The following UNC13C variants were observed in gnomAD, a reference collection of about 807,000 sequenced individuals.
The protein encoded by UNC13C is protein unc-13 homolog C.
In UNC13C, 174 loss-of-function variants were observed where a neutral mutation model predicts 245.4. The ratio of observed to expected loss-of-function variants is 0.71; its 90% confidence interval spans 0.63 to 0.80. The LOEUF is 0.80. Ranked by LOEUF, UNC13C falls within the 30% of genes least tolerant of loss-of-function variation. UNC13C has a pLI of 0.00. For synonymous variants in UNC13C, 992 were observed against 895.1 expected (o/e 1.11, Z -1.93); for missense variants, 2,829 against 2,602.9 (o/e 1.09, Z -1.89).
chr15:54,623,038 T>C (rs1390559895), intron 31 of UNC13C, among the ~76,000 whole-genome samples: 1 of 152,190 alleles, frequency 6.6e-6, no homozygotes, highest in Non-Finnish European at 1.5e-5. Flanking sequence ...GAATAGATTA[T>C]ATACAGTAGT....
intron 2 of UNC13C, among the ~76,000 whole-genome samples, chr15:54,031,635 T>A (rs1896362797): frequency 6.6e-6 from 1 of 152,184 alleles, no homozygotes; most frequent in Non-Finnish European, 1.5e-5. Flanking sequence ...ACCAAATATG[T>A]AGGAAGATGC....
intron 30 of UNC13C, among the ~76,000 whole-genome samples, chr15:54,605,620 T>G (rs1352103152): frequency 6.6e-6 from 1 of 152,124 alleles, no homozygotes; most frequent in Non-Finnish European, 1.5e-5. Flanking sequence ...TCCTCAGGTG[T>G]TTCCAGTATA....
chr15:54,163,348 C>T (rs1039207174), intron 4 of UNC13C, among the ~76,000 whole-genome samples: 4 of 152,168 alleles, frequency 2.6e-5, no homozygotes, highest in Non-Finnish European at 5.9e-5. Context: ...CCAGATGGCG[C>T]AGAGCCTTGC....
At chr15:54,287,854 C>G (rs2037188942) in intron 10 of UNC13C, among the ~76,000 whole-genome samples, 1 of 152,170 alleles carries the variant, frequency 6.6e-6, no homozygotes, top group Admixed American at 6.6e-5. Flanking sequence ...GTATATATGA[C>G]TTTTCTACAT....
intron 17 of UNC13C, among the ~76,000 whole-genome samples, chr15:54,341,561 T>A (rs1485444411): frequency 6.6e-6 from 1 of 151,926 alleles, no homozygotes; most frequent in Admixed American, 6.6e-5. Context: ...ATATACCTCA[T>A]GAATCTAAAA....
intron 28 of UNC13C, among the ~76,000 whole-genome samples, chr15:54,549,936 A>AT (rs1896662395): frequency 1.3e-5 from 2 of 152,222 alleles, no homozygotes; most frequent in Non-Finnish European, 2.9e-5. Context: ...CAAAGACAAA[A>AT]TGGAACACTG....
chr15:54,176,911 T>G lies in UNC13C; in HGVS notation c.3071+33227T>G, dbSNP rs533949768. Among the ~76,000 whole-genome samples the G allele has an allele frequency of 1.2e-4, 18 of 152,222 alleles. 1 individual carries two copies. In the South Asian group the frequency reaches 3.7e-3, roughly 32 times the overall value. ...ATGCTACTGATAAAGACTCATCACA[T>G]TAAGGTGAAAATAGATTAATATTCT... On this transcript the variant is annotated intron_variant, in intron 4 of 32. Coordinates refer to ENST00000260323, the MANE Select transcript of UNC13C (RefSeq NM_001080534.3).
chr15:53,976,477 C>CTCTTTTTTTTTTTT (rs1325952003), upstream of UNC13C, among the ~76,000 whole-genome samples: 17 of 63,020 alleles, frequency 2.7e-4, no homozygotes, highest in Non-Finnish European at 4.0e-4. Flanking sequence ...CTCTCTCTCT[C>CTCTTTTTTTTTTTT]TTTTTTTTTT....
At chr15:54,018,560 T>C (rs1387011097) in intron 2 of UNC13C, among the ~76,000 whole-genome samples, 10 of 120,444 alleles carry the variant, frequency 8.3e-5, no homozygotes. Flanking sequence ...GCCAGAAGCT[T>C]CCCCATGAGT....
At chr15:54,001,967 C>T (rs527904394) in intron 1 of UNC13C, among the ~76,000 whole-genome samples, 2 of 152,294 alleles carry the variant, frequency 1.3e-5, no homozygotes, top group East Asian at 3.9e-4. Context: ...CAGTATGATG[C>T]GGTATGGTTT....
At chr15:53,876,569 T>A in the UNC13C span, among the ~76,000 whole-genome samples, 1 of 152,202 alleles carries the variant, frequency 6.6e-6, no homozygotes, top group Admixed American at 6.5e-5. Context: ...ACAGCTGCCA[T>A]CTTGGAAATC....
chr15:54,047,409 C>A (rs1269173476), intron 2 of UNC13C, among the ~76,000 whole-genome samples: 1 of 151,944 alleles, frequency 6.6e-6, no homozygotes, highest in Non-Finnish European at 1.5e-5. Flanking sequence ...AATAGCCAAC[C>A]CCTACCCTTC....
chr15:54,580,764 A>G (rs1408114484), intron 30 of UNC13C, among the ~76,000 whole-genome samples: 1 of 152,138 alleles, frequency 6.6e-6, no homozygotes, highest in East Asian at 1.9e-4. Flanking sequence ...ACATTAAGAG[A>G]GACCCCTCAG....
At chr15:53,982,828 A>G (rs762525881) in intron 1 of UNC13C, among the ~76,000 whole-genome samples, 2 of 152,080 alleles carry the variant, frequency 1.3e-5, no homozygotes, top group East Asian at 1.9e-4. Context: ...TAGTTCCTCA[A>G]CTCAGAGATT....
intron 4 of UNC13C, among the ~76,000 whole-genome samples, chr15:54,198,142 C>A (rs1399099562): frequency 6.6e-6 from 1 of 152,082 alleles, no homozygotes. Flanking sequence ...GGGAACCACA[C>A]CCCTATCCCA....
the UNC13C span, among the ~76,000 whole-genome samples, chr15:53,966,618 G>T: frequency 6.6e-6 from 1 of 151,922 alleles, no homozygotes; most frequent in South Asian, 2.1e-4. Context: ...AAATTCTGAA[G>T]ACAGTTTATT....
At chr15:54,024,320 A>T (rs112515646) in intron 2 of UNC13C, among the ~76,000 whole-genome samples, 18 of 152,326 alleles carry the variant, frequency 1.2e-4, no homozygotes, top group African/African-American at 4.3e-4. Flanking sequence ...GGAGGGATTG[A>T]GGTACTAGAG....
intron 2 of UNC13C, among the ~76,000 whole-genome samples, chr15:54,104,115 C>A (rs183109776): frequency 6.6e-6 from 1 of 152,208 alleles, no homozygotes; most frequent in African/African-American, 2.4e-5. Context: ...CTCGCCTCAG[C>A]GAGCCCATGT....
chr15:54,102,373 A>G (rs75569262), intron 2 of UNC13C, among the ~76,000 whole-genome samples: 5,017 of 152,250 alleles, frequency 0.033, 123 homozygotes, highest in South Asian at 0.11. Flanking sequence ...GTTCAGAAGT[A>G]CCTTGAGAAC....
Sources: gnomAD v4.1 joint callset for allele counts (sites outside exome capture counted in the v4.1 genomes callset) on GRCh38, gnomAD v4.1.1 for gene constraint, MANE v1.5 for transcripts, NCBI Gene and HGNC (gene_info 2026-07-23, HGNC 2026-07-21) for gene names.